The following RAP1A variants were observed in gnomAD, a reference collection of about 807,000 sequenced individuals.
RAP1A encodes ras-related protein Rap-1A.
RAP1A carries 6 observed loss-of-function variants against 26.4 expected under a neutral mutation model. The observed-to-expected ratio is 0.23, with a 90% CI of 0.12 to 0.45. The LOEUF is 0.45. Among genes scored for constraint, RAP1A ranks in the 20% least tolerant of loss-of-function variants. The probability of loss-of-function intolerance (pLI) is 0.99; values close to 1 mark genes in which losing one functional copy is unlikely to be tolerated. For synonymous variants in RAP1A, 73 were observed against 79.4 expected (o/e 0.92, Z 0.43); for missense variants, 121 against 217.2 (o/e 0.56, Z 2.78).
chr1:111,579,293 T>C (rs1057364721), intron 1 of RAP1A, among the ~76,000 whole-genome samples: 3 of 152,182 alleles, frequency 2.0e-5, no homozygotes, highest in African/African-American at 7.2e-5. Context: ...TTAGTATAAA[T>C]GCTGGAGTTA....
At chr1:111,623,958 C>T (rs1257186699) in intron 1 of RAP1A, among the ~76,000 whole-genome samples, 6 of 152,126 alleles carry the variant, frequency 3.9e-5, no homozygotes, top group Non-Finnish European at 7.4e-5. Context: ...TTCATTGAAC[C>T]TCAGATCACT....
chr1:111,584,356 C>G (rs928656008), intron 1 of RAP1A, among the ~76,000 whole-genome samples: 6 of 152,112 alleles, frequency 3.9e-5, no homozygotes, highest in Non-Finnish European at 5.9e-5. Flanking sequence ...CAGAAACTTA[C>G]TGCTAATAGT....
chr1:111,615,651 T>C (rs1658998562), upstream of RAP1A, among the ~76,000 whole-genome samples: 1 of 151,708 alleles, frequency 6.6e-6, no homozygotes, highest in South Asian at 2.1e-4. Flanking sequence ...GCCAACATGG[T>C]GAAACCCCGC....
chr1:111,545,610 T>C (rs1280398374), intron 1 of RAP1A, among the ~76,000 whole-genome samples: 1 of 152,152 alleles, frequency 6.6e-6, no homozygotes, highest in Non-Finnish European at 1.5e-5. Flanking sequence ...TTTGGTGCAC[T>C]AAAGTTTTTA....
chr1:111,559,842 G>A (rs1034532279), intron 1 of RAP1A, among the ~76,000 whole-genome samples: 1 of 152,174 alleles, frequency 6.6e-6, no homozygotes, highest in Admixed American at 6.5e-5. Flanking sequence ...TGAGTGTTGA[G>A]TGTTACTGTG....
chr1:111,685,388 C>G (rs541489503), intron 1 of RAP1A, among the ~76,000 whole-genome samples: 1 of 151,014 alleles, frequency 6.6e-6, no homozygotes, highest in South Asian at 2.1e-4. Context: ...TGACAAAGGG[C>G]TAATATCCAG....
chr1:111,619,800 C>A lies in RAP1A; in HGVS notation c.-162C>A. Reference sequence around the variant, plus strand: ...CTGGAGGAGGCGCCGCCGCCGCTCCCGAGGCCCCTGCCGCCGCCGCTCCCG... The same window carrying A: ...CTGGAGGAGGCGCCGCCGCCGCTCCAGAGGCCCCTGCCGCCGCCGCTCCCG... On this transcript the variant is annotated 5_prime_UTR_variant, in exon 1 of 8. Coordinates refer to ENST00000369709, the MANE Select transcript of RAP1A (RefSeq NM_002884.4). 2.5e-6 allele frequency: 1 copy of A among 398,582 alleles called. No individual in the cohort carries two copies. The highest frequency in any genetic ancestry group is 2.1e-5 in the African/African-American group (1 of 48,572). 24.7% of individuals were successfully genotyped at this position (398,582 alleles called of 1,614,324 possible). A position where few individuals can be genotyped will look rare whatever the true frequency, so the allele number is the denominator to read the frequency against.
At chr1:111,568,685 A>G (rs752512087) in intron 1 of RAP1A, among the ~76,000 whole-genome samples, 27 of 152,148 alleles carry the variant, frequency 1.8e-4, no homozygotes, top group Admixed American at 1.4e-3. Flanking sequence ...CACAGGTTCA[A>G]ACTGCACAGG....
chr1:111,552,246 T>C (rs899313637), intron 1 of RAP1A, among the ~76,000 whole-genome samples: 4 of 152,190 alleles, frequency 2.6e-5, no homozygotes, highest in Non-Finnish European at 5.9e-5. Flanking sequence ...AATGACGACA[T>C]TCATTCTCCT....
intron 1 of RAP1A, among the ~76,000 whole-genome samples, chr1:111,583,290 TAAAAAAA>T (rs33946441): frequency 7.0e-6 from 1 of 143,656 alleles, no homozygotes. Context: ...GCTCATGCTT[TAAAAAAA>T]AAAAAAAAAA....
chr1:111,637,638 CCTTTT>C (rs1481191900), intron 1 of RAP1A, among the ~76,000 whole-genome samples: 2 of 152,070 alleles, frequency 1.3e-5, no homozygotes, highest in African/African-American at 4.8e-5. Context: ...TGCATATATG[CCTTTT>C]CTTTGATGAA....
chr1:111,545,329 G>T (rs1489160003), intron 1 of RAP1A, among the ~76,000 whole-genome samples: 1 of 152,026 alleles, frequency 6.6e-6, no homozygotes, highest in Admixed American at 6.5e-5. Context: ...TGGATGTGAA[G>T]TGGTATCTCA....
rs530451905 is a variant in RAP1A at position 111,632,867 on chromosome 1, GCCAGGATGGTGCCATTGCAC to G, written c.-28+12934_-28+12953del. Among the ~76,000 whole-genome samples the G allele has an allele frequency of 2.2e-4, 32 of 143,960 alleles. 1 individual carries two copies. The South Asian group carries it at 7.1e-3, about 32-fold the overall frequency. The allele number at this position is 143,960 out of a possible 152,430, so 94.4% of individuals were successfully genotyped here. A position where few individuals can be genotyped will look rare whatever the true frequency, so the allele number is the denominator to read the frequency against. On this transcript the variant is annotated intron_variant, in intron 1 of 7. Coordinates refer to ENST00000369709, the MANE Select transcript of RAP1A (RefSeq NM_002884.4). ...ACCTGGGAGGCAGAGGTTGTGGTGA[GCCAGGATGGTGCCATTGCAC>G]TGCAGCCTGGGCAACAAGAGCAAAA...
intron 4 of RAP1A, 85 bp from the exon 5 acceptor site, chr1:111,703,247 TACTC>T: frequency 5.6e-6 from 5 of 897,072 alleles, no homozygotes; most frequent in Middle Eastern, 3.7e-4. Flanking sequence ...TAAAAAATGT[TACTC>T]ACTTGTAATT....
At position 111,712,818 on chromosome 1, in the gene RAP1A, A is replaced by G. The variant is rs936603105; in HGVS notation, c.*417A>G. 6.6e-6 allele frequency: 1 copy of G among 152,514 alleles called. No homozygotes were observed. The highest frequency in any genetic ancestry group is 1.5e-5 in the Non-Finnish European group (1 of 67,956). 9.4% of individuals were successfully genotyped at this position (152,514 alleles called of 1,614,324 possible). On this transcript the variant is annotated 3_prime_UTR_variant, in exon 8 of 8. Transcript: ENST00000369709. Reference sequence around the variant, plus strand: ...CATTATACTTTATATCTGTAATGATACTGATTATGAAATGTCCCCTCAAAC... The same window carrying G: ...CATTATACTTTATATCTGTAATGATGCTGATTATGAAATGTCCCCTCAAAC...
chr1:111,545,139 C>A (rs556211470), intron 1 of RAP1A, among the ~76,000 whole-genome samples: 4 of 151,914 alleles, frequency 2.6e-5, no homozygotes, highest in Non-Finnish European at 5.9e-5. Flanking sequence ...TGGGTATATA[C>A]CAAGAAGCAG....
chr1:111,693,222 A>G (rs1661722906), intron 2 of RAP1A, among the ~76,000 whole-genome samples: 1 of 152,218 alleles, frequency 6.6e-6, no homozygotes, highest in Non-Finnish European at 1.5e-5. Context: ...AGCTTTAGTC[A>G]GGTCATGTTG....
At chr1:111,677,384 G>A (rs769378158) in intron 1 of RAP1A, among the ~76,000 whole-genome samples, 23 of 152,106 alleles carry the variant, frequency 1.5e-4, no homozygotes, top group Non-Finnish European at 2.9e-4. Context: ...AATTACTTGT[G>A]TTAATGATCT....
At chr1:111,584,164 G>A (rs966065104) in intron 1 of RAP1A, among the ~76,000 whole-genome samples, 3 of 152,046 alleles carry the variant, frequency 2.0e-5, no homozygotes, top group East Asian at 3.8e-4. Context: ...TTACAGGTGC[G>A]ACCCACTGCA....
Sources: allele counts gnomAD v4.1 joint callset (sites outside exome capture counted in the v4.1 genomes callset), GRCh38; gene constraint gnomAD v4.1.1; transcripts MANE v1.5; gene names NCBI Gene and HGNC (gene_info 2026-07-23, HGNC 2026-07-21).